Variants in HECW1 observed in about 807,000 individuals in gnomAD.
HECW1 encodes the protein E3 ubiquitin-protein ligase HECW1.
Under a neutral mutation model 182.3 loss-of-function variants are expected in HECW1, and 61 were observed. That is an observed-to-expected ratio of 0.33 (90% CI 0.27 to 0.41). HECW1 has a LOEUF of 0.41. Ranked by LOEUF, HECW1 falls within the 10% of genes least tolerant of loss-of-function variation. The pLI is 1.00. For missense variants in HECW1, 1,739 were observed against 2,108.9 expected (o/e 0.82, Z 3.44); for synonymous variants, 859 against 832.6 (o/e 1.03, Z -0.55).
rs1233029672 is a variant in HECW1, at chr7:43,336,124, T to TTCTCTCTCTCTCTCTCTCTCTCTC, written c.460+15401_460+15402insCTCTCTCTCTCTCTCTCTCTCTCT. On this transcript the variant is annotated intron_variant, in intron 5 of 29. Transcript: ENST00000395891. ...CTTTCTTCTTTCTTTCTTTCTTTCT[T>TTCTCTCTCTCTCTCTCTCTCTCTC]TCTCTCTCTCTCTCTCTCTTTCTCT... Among the ~76,000 whole-genome samples, 2 of 64,248 alleles carry TTCTCTCTCTCTCTCTCTCTCTCTC rather than the reference T, an allele frequency of 3.1e-5. 1 individual carries two copies. Among genetic ancestry groups the TTCTCTCTCTCTCTCTCTCTCTCTC allele is most frequent in the African/African-American group, 1.5e-4 (2 of 13,740 alleles). 42.1% of individuals were successfully genotyped at this position (64,248 alleles called of 152,430 possible).
intron 11 of HECW1, among the ~76,000 whole-genome samples, chr7:43,447,945 G>A (rs1296627695): frequency 6.6e-6 from 1 of 152,048 alleles, no homozygotes; most frequent in Non-Finnish European, 1.5e-5. Context: ...GGCCAACAGG[G>A]TGAAACCCTG....
chr7:43,452,068 A>T (rs963602597), intron 12 of HECW1, among the ~76,000 whole-genome samples: 9 of 152,244 alleles, frequency 5.9e-5, no homozygotes, highest in African/African-American at 2.2e-4. Flanking sequence ...AAAGAAACAC[A>T]ATATTTGTTT....
intron 3 of HECW1, among the ~76,000 whole-genome samples, chr7:43,309,322 C>T (rs966023146): frequency 8.5e-5 from 13 of 152,134 alleles, no homozygotes; most frequent in Non-Finnish European, 1.3e-4. Flanking sequence ...GTGCAAGGGA[C>T]GGCTTTGAGG....
intron 2 of HECW1, among the ~76,000 whole-genome samples, chr7:43,177,193 T>G (rs894503158): frequency 1.7e-4 from 26 of 152,176 alleles, no homozygotes; most frequent in African/African-American, 6.3e-4. Flanking sequence ...GGAAGAATAT[T>G]GCTCTCTCAC....
intron 4 of HECW1, among the ~76,000 whole-genome samples, chr7:43,319,030 A>G (rs546634333): frequency 1.3e-5 from 2 of 152,352 alleles, no homozygotes; most frequent in East Asian, 3.9e-4. Flanking sequence ...GGTGACAGGC[A>G]GCTTGGTATT....
chr7:43,563,480 A>T lies in HECW1; in HGVS notation c.*1554A>T, dbSNP rs1399434519. On this transcript the variant is annotated 3_prime_UTR_variant, in exon 30 of 30. Transcript: ENST00000395891. ...TTTAATTGTTTTCCATATTAAAACAAGGGAGAAATGTAAGACGAAGTGAAT... is the reference window on the plus strand; with the variant it reads ...TTTAATTGTTTTCCATATTAAAACATGGGAGAAATGTAAGACGAAGTGAAT... 5.1e-6 allele frequency: 1 copy of T among 197,930 alleles called. No homozygotes were observed. Among genetic ancestry groups the T allele is most frequent in the Non-Finnish European group, 1.0e-5 (1 of 95,652 alleles). The allele number at this position is 197,930 out of a possible 1,614,324, so 12.3% of individuals were successfully genotyped here.
At chr7:43,309,513 T>C (rs752243675) in intron 3 of HECW1, among the ~76,000 whole-genome samples, 129 of 152,186 alleles carry the variant, frequency 8.5e-4, no homozygotes, top group Non-Finnish European at 1.5e-3. Context: ...AAAAATACAA[T>C]AGCAGAATTG....
At chr7:43,214,922 C>A (rs1006002562) in intron 2 of HECW1, among the ~76,000 whole-genome samples, 4 of 152,196 alleles carry the variant, frequency 2.6e-5, no homozygotes, top group African/African-American at 9.6e-5. Flanking sequence ...GGTGAGGGGG[C>A]CCATGAATGC....
At chr7:43,234,149 T>G (rs1210151636) in intron 2 of HECW1, among the ~76,000 whole-genome samples, 1 of 152,194 alleles carries the variant, frequency 6.6e-6, no homozygotes, top group Non-Finnish European at 1.5e-5. Flanking sequence ...CTCTCTTCTG[T>G]CTACAATTCT....
At chr7:43,337,302 A>G (rs904757118) in intron 5 of HECW1, among the ~76,000 whole-genome samples, 4 of 152,200 alleles carry the variant, frequency 2.6e-5, no homozygotes, top group Non-Finnish European at 4.4e-5. Context: ...GATGTTGAGC[A>G]TGTGTTTGTT....
At chr7:43,328,152 C>T (rs550539871) in intron 5 of HECW1, among the ~76,000 whole-genome samples, 139 of 151,802 alleles carry the variant, frequency 9.2e-4, no homozygotes, top group Non-Finnish European at 1.3e-3. Flanking sequence ...ACCTCCATCT[C>T]TACAAAAAAT....
chr7:43,310,702 A>G (rs976436130), intron 3 of HECW1, among the ~76,000 whole-genome samples: 15 of 152,222 alleles, frequency 9.9e-5, no homozygotes, highest in African/African-American at 3.1e-4. Flanking sequence ...AGAGTAGACT[A>G]TTGCTGTGGT....
At chr7:43,437,130 C>G (rs561272135) in intron 8 of HECW1, among the ~76,000 whole-genome samples, 1 of 152,298 alleles carries the variant, frequency 6.6e-6, no homozygotes, top group South Asian at 2.1e-4. Context: ...TGGAGCATCC[C>G]CCTCTAGACA....
intron 5 of HECW1, among the ~76,000 whole-genome samples, chr7:43,351,360 A>G (rs1040611546): frequency 6.6e-6 from 1 of 152,152 alleles, no homozygotes; most frequent in Non-Finnish European, 1.5e-5. Context: ...AGGAGGTGGC[A>G]CTTTCCAGAG....
chr7:43,519,255 T>TC (rs1204561363), intron 24 of HECW1, among the ~76,000 whole-genome samples: 1 of 151,742 alleles, frequency 6.6e-6, no homozygotes, highest in Non-Finnish European at 1.5e-5. Flanking sequence ...GTGCAGACTT[T>TC]TTTTTTTTTT....
intron 2 of HECW1, among the ~76,000 whole-genome samples, chr7:43,152,776 C>T (rs536642349): frequency 6.6e-6 from 1 of 152,110 alleles, no homozygotes; most frequent in African/African-American, 2.4e-5. Context: ...TCCGGGGGCC[C>T]TCGGGTCTTC....
At chr7:43,540,674 A>C (rs2081332616) in intron 24 of HECW1, among the ~76,000 whole-genome samples, 1 of 152,174 alleles carries the variant, frequency 6.6e-6, no homozygotes, top group Non-Finnish European at 1.5e-5. Context: ...CTTCCCCACT[A>C]TCTGCAAGCA....
intron 16 of HECW1, among the ~76,000 whole-genome samples, chr7:43,478,071 T>C (rs1053683462): frequency 6.6e-6 from 1 of 152,166 alleles, no homozygotes; most frequent in Non-Finnish European, 1.5e-5. Context: ...AGAACAATGT[T>C]GCCATATATT....
In HECW1 at chr7:43,492,124, G is replaced by A. The variant is rs770925230; in HGVS notation, c.3284G>A (p.Gly1095Glu). 2 of 1,605,796 alleles carry A rather than the reference G, an allele frequency of 1.2e-6. No homozygotes were observed. Among genetic ancestry groups the A allele is most frequent in the Middle Eastern group, 1.7e-4 (1 of 6,054 alleles). ...GGAGCCTCTTTACTGGCCAGGCCAG[G>A]ACACAGCTTAGTAGCTGCTATTCGA... is the stretch of plus-strand genomic sequence containing the variant. Reference protein sequence around the residue: ...NRGASLLARPGHSLVAAIRSQ... With the variant: ...NRGASLLARPEHSLVAAIRSQ... Residue 1095 changes from glycine to glutamate, a missense_variant, in exon 18 of 30, where the codon GGA becomes GAA. This residue lies in a region of HECW1 where 971 missense variants were observed against 1,029.1 expected (regional missense o/e 0.94). Coordinates refer to ENST00000395891, the MANE Select transcript of HECW1 (RefSeq NM_015052.5).
Sources: gnomAD v4.1 joint callset for allele counts (sites outside exome capture counted in the v4.1 genomes callset) on GRCh38, gnomAD v4.1.1 for gene constraint, gnomAD v4.1.1 regional missense constraint, MANE v1.5 for transcripts, NCBI Gene and HGNC (gene_info 2026-07-23, HGNC 2026-07-21) for gene names.